PRR35: variants seen among roughly 807,000 people sequenced by gnomAD.
The protein encoded by PRR35 is proline rich 35, also known as proline-rich protein 35.
A neutral mutation model predicts 18.6 loss-of-function variants in PRR35; 14 were observed. The observed-to-expected ratio is 0.75, with a 90% CI of 0.50 to 1.18. PRR35 has a LOEUF of 1.18. Among genes scored for constraint, PRR35 ranks in the 50% most tolerant of loss-of-function variants. The pLI is 0.00. For missense variants in PRR35, 832 were observed against 792.2 expected (o/e 1.05, Z -0.60); for synonymous variants, 425 against 378.2 (o/e 1.12, Z -1.43).
chr16:564,716 G>C lies in PRR35; in HGVS notation c.1125G>C (p.Gly375=). ...CTGTGATGCTGTGGCCTGAGGACGG[G>C]GATCCAGGCGGCCCTGAGACCCCCG... ...GSSVMLWPED[G]DPGGPETPGP... is the part of the protein sequence containing the mutation. Residue 375 remains glycine (G), a synonymous_variant, in exon 3 of 3, where the codon GGG becomes GGC. Coordinates refer to ENST00000409413, the MANE Select transcript of PRR35 (RefSeq NM_145270.3). The C allele has an allele frequency of 1.3e-6, 2 of 1,533,786 alleles. No individual in the cohort carries two copies. Among genetic ancestry groups the C allele is most frequent in the Non-Finnish European group, 1.7e-6 (2 of 1,146,374 alleles).
Position 564,198 on chromosome 16 carries a change from C to G in PRR35, c.904C>G (p.Leu302Val), listed in dbSNP as rs753094222. ...SPSGTPAPGL[L>V]KVPVPGLGPW... ...CTCTGGGACTCCGGCTCCTGGCCTG[C>G]TGAAGGTGCCAGTTCCAGGGCTGGG... Residue 302 changes from leucine to valine, a missense_variant, in exon 2 of 3, where the codon CTG (leucine) becomes GTG (valine). Around this residue, in one of 3 missense-constraint regions of PRR35, gnomAD observed 768 missense variants for 704.1 expected, o/e 1.09. Coordinates refer to ENST00000409413, the MANE Select transcript of PRR35 (RefSeq NM_145270.3). 1.7e-5 allele frequency: 27 copies of G among 1,566,036 alleles called. 1 individual carries two copies. The South Asian group carries it at 2.9e-4, about 17-fold the overall frequency.
intron 1 of PRR35, chr16:561,643 C>A (rs555403084): frequency 2.5e-6 from 2 of 814,868 alleles, no homozygotes; most frequent in Admixed American, 1.2e-4. Context: ...CTGCAGGGCC[C>A]CAAGCCTTTG....
upstream of PRR35, among the ~76,000 whole-genome samples, chr16:559,976 CCTGATGGATAAGCGCTGACGG>C (rs1168203447): frequency 6.6e-6 from 1 of 152,146 alleles, no homozygotes; most frequent in Non-Finnish European, 1.5e-5. Context: ...GGGCCAGAGC[CCTGATGGATAAGCGCTGACGG>C]CCCCTCTCCC....
intron 1 of PRR35, chr16:561,772 A>G: frequency 1.0e-6 from 1 of 985,446 alleles, no homozygotes; most frequent in Non-Finnish European, 1.2e-6. Flanking sequence ...GCCATGCATG[A>G]CCACGGGTGC....
In PRR35 at chr16:564,890, G is replaced by T; in HGVS notation, c.1299G>T (p.Pro433=). ...GQLGPAGGLA[P]RPLREQLGKI... is the part of the protein sequence containing the mutation. Reference sequence around the variant, plus strand: ...TGGGGCCCGCGGGGGGCCTGGCCCCGAGACCCCTGCGGGAGCAGCTGGGCA... The same window carrying T: ...TGGGGCCCGCGGGGGGCCTGGCCCCTAGACCCCTGCGGGAGCAGCTGGGCA... Residue 433 remains proline (P), a synonymous_variant, in exon 3 of 3, where the codon CCG becomes CCT. Coordinates refer to ENST00000409413, the MANE Select transcript of PRR35 (RefSeq NM_145270.3). 1.9e-6 allele frequency: 3 copies of T among 1,584,878 alleles called. No homozygotes were observed. The highest frequency in any genetic ancestry group is 2.6e-6 in the Non-Finnish European group (3 of 1,170,170).
At position 560,679 on chromosome 16, in the gene PRR35, C is replaced by T. The variant is rs2035417850; in HGVS notation, c.-40+18C>T. Reference sequence around the variant, plus strand: ...GGGCGCAGGTAGGAGCGGCGGGAGCCGCGGGGGCGGCCAGTTGGGCGTCGC... The same window carrying T: ...GGGCGCAGGTAGGAGCGGCGGGAGCTGCGGGGGCGGCCAGTTGGGCGTCGC... On this transcript the variant is annotated intron_variant, in intron 1 of 2. Coordinates refer to ENST00000409413, the MANE Select transcript of PRR35 (RefSeq NM_145270.3). 5.1e-6 allele frequency: 5 copies of T among 983,164 alleles called. No homozygotes were observed. The highest frequency in any genetic ancestry group is 6.0e-6 in the Non-Finnish European group (5 of 828,754). The allele number at this position is 983,164 out of a possible 1,614,324, so 60.9% of individuals were successfully genotyped here.
At position 564,025 on chromosome 16, in the gene PRR35, C is replaced by T; in HGVS notation, c.731C>T (p.Pro244Leu). The change falls in exon 2 of 3, where the codon CCC becomes CTC. Residue 244 changes from proline to leucine, a missense_variant. By Grantham distance (98) the Pro-to-Leu change is moderately conservative. Coordinates refer to ENST00000409413, the MANE Select transcript of PRR35 (RefSeq NM_145270.3). The part of the protein sequence containing the change: ...PFLASASPLL[P>L]PATAFPAVQP... ...CTGGCCTCGGCCAGCCCCCTGCTGCCCCCGGCCACGGCCTTCCCAGCCGTG... is the reference window on the plus strand; with the variant it reads ...CTGGCCTCGGCCAGCCCCCTGCTGCTCCCGGCCACGGCCTTCCCAGCCGTG... 1 of 1,585,498 alleles carries T rather than the reference C, an allele frequency of 6.3e-7. No individual in the cohort carries two copies. The highest frequency in any genetic ancestry group is 1.1e-5 in the South Asian group (1 of 88,270).
intron 1 of PRR35, 105 bp from the exon 2 acceptor site, chr16:563,151 G>A (rs2035468891): frequency 1.2e-5 from 14 of 1,166,430 alleles, no homozygotes; most frequent in Non-Finnish European, 1.6e-5. Context: ...GCGGGGTGGG[G>A]GGAGCACCCA....
In PRR35 at chr16:563,728, C is replaced by T; in HGVS notation, c.434C>T (p.Ala145Val). 1 of 1,533,312 alleles carries T rather than the reference C, an allele frequency of 6.5e-7. No individual in the cohort carries two copies. The highest frequency in any genetic ancestry group is 2.4e-5 in the East Asian group (1 of 41,552). The allele number at this position is 1,533,312 out of a possible 1,614,324, so 95.0% of individuals were successfully genotyped here. ...TCCCCAGGGCCACCACCCCCTGTGG[C>T]TAGGGCCACCCGGAAGGGTCCCGGC... ...KGSPGPPPPV[A>V]RATRKGPGPS... is the part of the protein sequence containing the mutation. Residue 145 changes from alanine to valine, a missense_variant, in exon 2 of 3, where the codon GCT becomes GTT. Around this residue, in one of 3 missense-constraint regions of PRR35, gnomAD observed 768 missense variants for 704.1 expected, o/e 1.09. Coordinates refer to ENST00000409413, the MANE Select transcript of PRR35 (RefSeq NM_145270.3).
chr16:562,089 G>A (rs2035442641), intron 1 of PRR35, among the ~76,000 whole-genome samples: 1 of 152,262 alleles, frequency 6.6e-6, no homozygotes, highest in Non-Finnish European at 1.5e-5. Context: ...GTGTGCGCAG[G>A]CGTGCTGTGC....
Position 563,530 on chromosome 16 carries a change from GC to G in PRR35, c.237del (p.Ser80ProfsTer223). ...LDSPDWACRR[G>X]STTPRPHAPT... ...TCCCCAGACTGGGCGTGCCGCCGTGGCTCCACCACGCCTAGGCCCCACGCAC... is the reference window on the plus strand; with the variant it reads ...TCCCCAGACTGGGCGTGCCGCCGTGGTCCACCACGCCTAGGCCCCACGCAC... On this transcript the variant is annotated frameshift_variant, in exon 2 of 3. Coordinates refer to ENST00000409413, the MANE Select transcript of PRR35 (RefSeq NM_145270.3). LOFTEE classifies it high-confidence loss of function. The G allele has an allele frequency of 6.2e-7, 1 of 1,611,494 alleles. No homozygotes were observed. Among genetic ancestry groups the G allele is most frequent in the Non-Finnish European group, 8.5e-7 (1 of 1,179,350 alleles).
rs985914566 is a variant in PRR35 at position 563,183 on chromosome 16, G to A, written c.-39-73G>A. 1.4e-5 allele frequency: 19 copies of A among 1,363,060 alleles called. No homozygotes were observed. The East Asian group carries it at 3.6e-4, about 26-fold the overall frequency. The allele number at this position is 1,363,060 out of a possible 1,614,324, so 84.4% of individuals were successfully genotyped here. A position where few individuals can be genotyped will look rare whatever the true frequency, so the allele number is the denominator to read the frequency against. On this transcript the variant is annotated intron_variant, in intron 1 of 2. Coordinates refer to ENST00000409413, the MANE Select transcript of PRR35 (RefSeq NM_145270.3). ...CCCAGGCTCCAGTCCCTGGAGCCTG[G>A]GGAGCCATGGATGGAGAGGAGTGGG...
intron 2 of PRR35, 28 bp from the exon 3 acceptor site, chr16:564,646 G>A (rs530884571): frequency 1.5e-5 from 23 of 1,499,758 alleles, no homozygotes; most frequent in South Asian, 6.4e-5. Flanking sequence ...GGGGCAGTGC[G>A]GCCTCCTGAC....
chr16:561,469 G>C (rs1397172151), intron 1 of PRR35, among the ~76,000 whole-genome samples: 1 of 152,180 alleles, frequency 6.6e-6, no homozygotes, highest in Admixed American at 6.5e-5. Context: ...CGGGCAGGGA[G>C]AAGGGGCCGC....
rs908111964 is a variant in PRR35 at position 564,676 on chromosome 16, T to C, written c.1085T>C (p.Leu362Pro). 63 of 1,523,974 alleles carry C rather than the reference T, an allele frequency of 4.1e-5. No homozygotes were observed. The highest frequency in any genetic ancestry group is 5.3e-5 in the Non-Finnish European group (61 of 1,140,694). The allele number at this position is 1,523,974 out of a possible 1,614,324, so 94.4% of individuals were successfully genotyped here. A position where few individuals can be genotyped will look rare whatever the true frequency, so the allele number is the denominator to read the frequency against. Residue 362 changes from leucine (L) to proline (P), a missense_variant and splice_region_variant, in exon 3 of 3, where the codon CTG becomes CCG. By Grantham distance (98) the Leu-to-Pro change is moderately conservative. Around this residue, in one of 3 missense-constraint regions of PRR35, gnomAD observed 768 missense variants for 704.1 expected, o/e 1.09. Transcript: ENST00000409413. The part of the protein sequence containing the change: ...SLTRFCSRSS[L>P]PTGSSVMLWP... ...CCTGACCAGCTTCCACCCCACAGCC[T>C]GCCCACCGGCTCCTCTGTGATGCTG...
intron 1 of PRR35, among the ~76,000 whole-genome samples, chr16:560,938 G>T (rs1049017550): frequency 4.6e-5 from 7 of 151,880 alleles, no homozygotes; most frequent in African/African-American, 1.7e-4. Flanking sequence ...CGTTCCCGGG[G>T]GGGGGGGCAG....
At position 564,894 on chromosome 16, in the gene PRR35, C is replaced by G; in HGVS notation, c.1303C>G (p.Pro435Ala). The change falls in exon 3 of 3, where the codon CCC (proline) becomes GCC (alanine). Residue 435 changes from proline to alanine, a missense_variant. Transcript: ENST00000409413. Reference protein sequence around the residue: ...LGPAGGLAPRPLREQLGKIRL... With the variant: ...LGPAGGLAPRALREQLGKIRL... ...GCCCGCGGGGGGCCTGGCCCCGAGA[C>G]CCCTGCGGGAGCAGCTGGGCAAGAT... 1 of 1,588,358 alleles carries G rather than the reference C, an allele frequency of 6.3e-7. No homozygotes were observed. Among genetic ancestry groups the G allele is most frequent in the Non-Finnish European group, 8.5e-7 (1 of 1,171,728 alleles).
In PRR35 at chr16:563,809, G is replaced by A. The variant is rs770059762; in HGVS notation, c.515G>A (p.Gly172Asp). ...CCGGGGATGGGAGGGGACCCAAGGG[G>A]CGTGGGTGCGGGGGACATGGCCTCA... ...WKPGMGGDPR[G>D]VGAGDMASAG... The change falls in exon 2 of 3, where the codon GGC becomes GAC. Residue 172 changes from glycine (G) to aspartate (D), a missense_variant. Around this residue, in one of 3 missense-constraint regions of PRR35, gnomAD observed 768 missense variants for 704.1 expected, o/e 1.09. Coordinates refer to ENST00000409413, the MANE Select transcript of PRR35 (RefSeq NM_145270.3). The A allele has an allele frequency of 2.0e-6, 3 of 1,502,086 alleles. No individual in the cohort carries two copies. The highest frequency in any genetic ancestry group is 2.7e-6 in the Non-Finnish European group (3 of 1,123,546). 93.0% of individuals were successfully genotyped at this position (1,502,086 alleles called of 1,614,324 possible). A position where few individuals can be genotyped will look rare whatever the true frequency, so the allele number is the denominator to read the frequency against.
chr16:560,108 AGGCGCCG>A (rs560353273), upstream of PRR35, among the ~76,000 whole-genome samples: 58 of 151,694 alleles, frequency 3.8e-4, no homozygotes, highest in African/African-American at 1.4e-3. Flanking sequence ...CGGGGGCGGG[AGGCGCCG>A]GGCGCCCCTG....
Sources: allele counts gnomAD v4.1 joint callset (sites outside exome capture counted in the v4.1 genomes callset), GRCh38; gene constraint gnomAD v4.1.1; regional missense constraint gnomAD v4.1.1; transcripts MANE v1.5; gene names NCBI Gene and HGNC (gene_info 2026-07-23, HGNC 2026-07-21).